CACNA2D4: variants seen among roughly 807,000 people sequenced by gnomAD.
The protein encoded by CACNA2D4 is voltage-dependent calcium channel subunit alpha-2/delta-4.
Under a neutral mutation model 163.8 loss-of-function variants are expected in CACNA2D4, and 157 were observed. The observed-to-expected ratio is 0.96, with a 90% CI of 0.84 to 1.09. CACNA2D4 has a LOEUF of 1.09. Among genes scored for constraint, CACNA2D4 ranks in the 50% least tolerant of loss-of-function variants. CACNA2D4 has a pLI of 0.00. For missense variants in CACNA2D4, 1,410 were observed against 1,479.9 expected (o/e 0.95, Z 0.78); for synonymous variants, 598 against 586.9 (o/e 1.02, Z -0.27).
chr12:1,892,028 T>C (rs1866296442), intron 6 of CACNA2D4, among the ~76,000 whole-genome samples: 1 of 152,170 alleles, frequency 6.6e-6, no homozygotes, highest in Non-Finnish European at 1.5e-5. Context: ...CTGGAAACTT[T>C]CCAAGTCTAG....
rs904992811 is a variant in CACNA2D4 at position 1,828,633 on chromosome 12, C to T, written c.2551+12106G>A. Among the ~76,000 whole-genome samples, 2 of 152,230 alleles carry T rather than the reference C, an allele frequency of 1.3e-5. No homozygotes were observed. Among genetic ancestry groups the T allele is most frequent in the African/African-American group, 4.8e-5 (2 of 41,466 alleles). ...TTTTGCTCCCGTGGGGAACTGCCCC[C>T]TTGGCTGGCCTCGGCCAGGAGCTGG... On this transcript the variant is annotated intron_variant, in intron 26 of 37. Transcript: ENST00000382722. The surrounding 1 kb of genome is among the most constrained non-coding windows in gnomAD (Gnocchi z 4.2).
chr12:1,891,609 G>A (rs1293918888), intron 6 of CACNA2D4, among the ~76,000 whole-genome samples: 1 of 151,466 alleles, frequency 6.6e-6, no homozygotes. Context: ...TATAATACCG[G>A]AAAATGAATT....
Position 1,918,466 on chromosome 12 carries a change from C to T in CACNA2D4, c.8G>A (p.Cys3Tyr), listed in dbSNP as rs1453273880. MV[C>Y]GCSALLPLPN... ...GAGGGGAAGGAGGGCAGAGCAGCCACAGACCATGAGCTCTGTCTGCCTTCC... is the reference window on the plus strand; with the variant it reads ...GAGGGGAAGGAGGGCAGAGCAGCCATAGACCATGAGCTCTGTCTGCCTTCC... The change falls in exon 1 of 38, where the codon TGT becomes TAT. Residue 3 changes from cysteine to tyrosine, a missense_variant. Cys to Tyr is a radical substitution (Grantham distance 194). Coordinates refer to ENST00000382722, the MANE Select transcript of CACNA2D4 (RefSeq NM_172364.5). The T allele has an allele frequency of 1.9e-6, 3 of 1,562,508 alleles. No homozygotes were observed. The highest frequency in any genetic ancestry group is 2.6e-6 in the Non-Finnish European group (3 of 1,153,776).
At chr12:1,871,354 G>A (rs1166408945) in intron 18 of CACNA2D4, among the ~76,000 whole-genome samples, 1 of 142,502 alleles carries the variant, frequency 7.0e-6, no homozygotes, top group East Asian at 2.9e-4. Flanking sequence ...TGTGTTGCTG[G>A]TGTGTGTACA....
chr12:1,856,191 C>T lies in CACNA2D4; in HGVS notation c.2047G>A (p.Gly683Ser), dbSNP rs202195511. 157 of 1,614,010 alleles carry T rather than the reference C, an allele frequency of 9.7e-5. No individual in the cohort carries two copies. The highest frequency in any genetic ancestry group is 1.2e-4 in the Admixed American group (7 of 60,022). Reference protein sequence around the residue: ...DLLHPDLALAGDWIYCITDID... With the variant: ...DLLHPDLALASDWIYCITDID... ...TTTTTACTCCTCACTTACCAGTCAC[C>T]GGCCAGGGCCAGGTCTGGGTGAAGC... Residue 683 changes from glycine (G) to serine (S), a missense_variant, in exon 21 of 38, where the codon GGT (glycine) becomes AGT (serine). By Grantham distance (56) the Gly-to-Ser change is moderately conservative. Transcript: ENST00000382722.
At chr12:1,831,064 T>C in intron 26 of CACNA2D4, 2 of 1,614,072 alleles carry the variant, frequency 1.2e-6, no homozygotes, top group Non-Finnish European at 1.7e-6. Flanking sequence ...CCCCCAGACG[T>C]GCCCGCAGCC....
chr12:1,885,006 G>C lies in CACNA2D4; in HGVS notation c.1139C>G (p.Ala380Gly), dbSNP rs567260217. The change falls in exon 10 of 38, where the codon GCC becomes GGC. Residue 380 changes from alanine to glycine, a missense_variant. Ala to Gly is a moderately conservative substitution (Grantham distance 60, BLOSUM62 0). Coordinates refer to ENST00000382722, the MANE Select transcript of CACNA2D4 (RefSeq NM_172364.5). ...GGGCACCTGCTTCAGGATCTGGAAGGCTTCTCTCAGGGCTTGGTCCACGAC... is the reference window on the plus strand; with the variant it reads ...GGGCACCTGCTTCAGGATCTGGAAGCCTTCTCTCAGGGCTTGGTCCACGAC... Reference protein sequence around the residue: ...VGVVDQALREAFQILKQFQEA... With the variant: ...VGVVDQALREGFQILKQFQEA... 5.6e-6 allele frequency: 9 copies of C among 1,613,730 alleles called. No individual in the cohort carries two copies. Among genetic ancestry groups the C allele is most frequent in the Middle Eastern group, 1.6e-4 (1 of 6,082 alleles).
rs375677152 is a variant in CACNA2D4, at chr12:1,913,181, T to C, written c.310-42A>G. 9 of 1,390,638 alleles carry C rather than the reference T, an allele frequency of 6.5e-6. No individual in the cohort carries two copies. The African/African-American group carries it at 1.3e-4, about 20-fold the overall frequency. The allele number at this position is 1,390,638 out of a possible 1,614,324, so 86.1% of individuals were successfully genotyped here. ...GGAGAGATGCGTGCATGTGGTTTTG[T>C]ACCAGGATAGTTGCACCTGTGTATG... On this transcript the variant is annotated intron_variant, in intron 2 of 37. Transcript: ENST00000382722.
At chr12:1,911,173 A>G (rs1181200174) in intron 3 of CACNA2D4, among the ~76,000 whole-genome samples, 1 of 151,718 alleles carries the variant, frequency 6.6e-6, no homozygotes, top group African/African-American at 2.4e-5. Context: ...ACAGGCACCC[A>G]CCACCATACC....
chr12:1,906,233 G>T (rs1260933195), intron 6 of CACNA2D4, among the ~76,000 whole-genome samples: 1 of 152,144 alleles, frequency 6.6e-6, no homozygotes, highest in African/African-American at 2.4e-5. Context: ...AAACATAGGG[G>T]AAACACTTTA....
intron 26 of CACNA2D4, among the ~76,000 whole-genome samples, chr12:1,822,805 C>T (rs373914506): frequency 2.0e-5 from 3 of 152,238 alleles, no homozygotes; most frequent in South Asian, 2.1e-4. Context: ...AGACAGGCAG[C>T]GGTAGGCGGA....
chr12:1,793,515 G>A lies in CACNA2D4; in HGVS notation c.*140C>T. On this transcript the variant is annotated 3_prime_UTR_variant, in exon 38 of 38. Coordinates refer to ENST00000382722, the MANE Select transcript of CACNA2D4 (RefSeq NM_172364.5). ...TCCATCCAGCATTCTCCGGAGCCAG[G>A]GGCCACCAGCCCAGGATTGAGAGGA... 4.1e-6 allele frequency: 3 copies of A among 732,686 alleles called. No individual in the cohort carries two copies. The highest frequency in any genetic ancestry group is 2.3e-4 in the Middle Eastern group (1 of 4,328). 45.4% of individuals were successfully genotyped at this position (732,686 alleles called of 1,614,324 possible). A position where few individuals can be genotyped will look rare whatever the true frequency, so the allele number is the denominator to read the frequency against.
chr12:1,796,524 C>T (rs1863132717), intron 35 of CACNA2D4, among the ~76,000 whole-genome samples: 1 of 152,240 alleles, frequency 6.6e-6, no homozygotes, highest in South Asian at 2.1e-4. Context: ...GAAGCCCTCG[C>T]TTCACTCCGG....
rs1193189362 is a variant in CACNA2D4, at chr12:1,797,533, G to A, written c.2998C>T (p.His1000Tyr). 7.1e-6 allele frequency: 11 copies of A among 1,559,022 alleles called. No homozygotes were observed. The highest frequency in any genetic ancestry group is 2.4e-5 in the East Asian group (1 of 41,858). ...AEAKSVFHHS[H>Y]KHKKQDPLQP... The stretch of plus-strand genomic sequence containing the variant: ...AGCGGGTCCTGCTTCTTGTGTTTGT[G>A]GGCTGCGGGCGGAGAAAGGACATCA... The change falls in exon 35 of 38, where the codon CAC becomes TAC. Residue 1000 changes from histidine (H) to tyrosine (Y), a missense_variant and splice_region_variant. By Grantham distance (83) the His-to-Tyr change is moderately conservative. Transcript: ENST00000382722.
In CACNA2D4 at chr12:1,844,411, C is replaced by T; in HGVS notation, c.2461G>A (p.Glu821Lys). ...CCGGGCTGTGTGTTACCTGGTCCTT[C>T]TGCCCAGCGGAGGTTGAAGACGAAG... is the stretch of plus-strand genomic sequence containing the variant. The part of the protein sequence containing the change: ...GSFVFNLRWA[E>K]GPESAGEPMV... The change falls in exon 25 of 38, where the codon GAA becomes AAA. Residue 821 changes from glutamate to lysine, a missense_variant. Transcript: ENST00000382722. The surrounding 1 kb of genome is among the most constrained non-coding windows in gnomAD (Gnocchi z 4.2). 3.1e-6 allele frequency: 5 copies of T among 1,613,492 alleles called. No individual in the cohort carries two copies. The highest frequency in any genetic ancestry group is 4.2e-6 in the Non-Finnish European group (5 of 1,179,760).
chr12:1,885,084 G>C lies in CACNA2D4; in HGVS notation c.1069-8C>G. 6.2e-7 allele frequency: 1 copy of C among 1,611,488 alleles called. No homozygotes were observed. Among genetic ancestry groups the C allele is most frequent in the South Asian group, 1.1e-5 (1 of 91,016 alleles). On this transcript the variant is annotated splice_polypyrimidine_tract_variant and splice_region_variant and intron_variant, in intron 9 of 37. Coordinates refer to ENST00000382722, the MANE Select transcript of CACNA2D4 (RefSeq NM_172364.5). ...CACCAGCAGTTTGAAATGCTGCCATGGGTGAGATATTAGAGAAGCATCAGG... is the reference window on the plus strand; with the variant it reads ...CACCAGCAGTTTGAAATGCTGCCATCGGTGAGATATTAGAGAAGCATCAGG...
At chr12:1,840,499 G>A (rs1052161712) in intron 26 of CACNA2D4, among the ~76,000 whole-genome samples, 3 of 152,128 alleles carry the variant, frequency 2.0e-5, no homozygotes, top group African/African-American at 4.8e-5. Flanking sequence ...CCGTGTGGCC[G>A]TGCAGATCTC....
rs544531109 is a variant in CACNA2D4, at chr12:1,833,530, C to T, written c.2551+7209G>A. Among the ~76,000 whole-genome samples the T allele has an allele frequency of 2.0e-5, 3 of 152,222 alleles. No homozygotes were observed. The highest frequency in any genetic ancestry group is 4.4e-5 in the Non-Finnish European group (3 of 68,042). On this transcript the variant is annotated intron_variant, in intron 26 of 37. Transcript: ENST00000382722. The surrounding 1 kb of genome is among the most constrained non-coding windows in gnomAD (Gnocchi z 4.2). ...CCCACACCTCCTCATCAACACCAGC[C>T]TCCTCTCCTTGGCCTCGTGTGCCTC...
intron 6 of CACNA2D4, among the ~76,000 whole-genome samples, chr12:1,893,774 C>T (rs1565733321): frequency 6.6e-6 from 1 of 152,136 alleles, no homozygotes; most frequent in African/African-American, 2.4e-5. Flanking sequence ...ATAAAGAGGA[C>T]AGTTTGTAGC....
Sources: gnomAD v4.1 joint callset for allele counts (sites outside exome capture counted in the v4.1 genomes callset) on GRCh38, gnomAD v4.1.1 for gene constraint, Gnocchi (gnomAD v3.1) non-coding constraint, MANE v1.5 for transcripts, NCBI Gene and HGNC (gene_info 2026-07-23, HGNC 2026-07-21) for gene names.